SMAD3: variants seen among roughly 807,000 people sequenced by gnomAD.
SMAD3 encodes the protein MAD homolog 3.
In SMAD3, 12 loss-of-function variants were observed where a neutral mutation model predicts 51.8. The observed-to-expected ratio is 0.23, with a 90% CI of 0.15 to 0.38. The LOEUF is 0.38. Among genes scored for constraint, SMAD3 ranks in the 10% least tolerant of loss-of-function variants. The pLI is 1.00. For missense variants in SMAD3, 294 were observed against 565.6 expected (o/e 0.52, Z 4.87); for synonymous variants, 238 against 227.7 (o/e 1.05, Z -0.41).
intron 1 of SMAD3, among the ~76,000 whole-genome samples, chr15:67,141,943 A>G (rs920191431): frequency 5.9e-5 from 9 of 152,040 alleles, no homozygotes; most frequent in Non-Finnish European, 1.2e-4. Flanking sequence ...TAATGCTGTG[A>G]GGTGTCATTC....
intron 1 of SMAD3, among the ~76,000 whole-genome samples, chr15:67,089,220 A>G (rs4776886): frequency 0.55 from 84,243 of 151,998 alleles, 23,565 homozygotes; most frequent in South Asian, 0.71. Context: ...AATCCCAGAT[A>G]TACCTCCTCC....
At chr15:67,143,030 C>T (rs1961875068) in intron 1 of SMAD3, 1 of 229,224 alleles carries the variant, frequency 4.4e-6, no homozygotes, top group African/African-American at 2.3e-5. Context: ...CGTGCACCAG[C>T]CCTGTGATTC....
At chr15:67,181,189 A>C in intron 5 of SMAD3, 52 bp from the exon 6 acceptor site, 3 of 1,383,230 alleles carry the variant, frequency 2.2e-6, no homozygotes, top group East Asian at 4.6e-5. Context: ...CCATCGAGGG[A>C]GCATGGGGCT....
At chr15:67,189,908 C>T (rs749540528) in intron 8 of SMAD3, among the ~76,000 whole-genome samples, 9 of 151,946 alleles carry the variant, frequency 5.9e-5, no homozygotes, top group Admixed American at 1.3e-4. Flanking sequence ...CATTGGGAAC[C>T]GAAGGCATGC....
chr15:67,074,703 T>G (rs1204178671), intron 1 of SMAD3, among the ~76,000 whole-genome samples: 3 of 152,234 alleles, frequency 2.0e-5, no homozygotes, highest in Non-Finnish European at 4.4e-5. Flanking sequence ...CTTTTTTTGT[T>G]TTTTGAGACG....
At chr15:67,142,101 G>C (rs1384057527) in intron 1 of SMAD3, among the ~76,000 whole-genome samples, 1 of 152,128 alleles carries the variant, frequency 6.6e-6, no homozygotes, top group Non-Finnish European at 1.5e-5. Flanking sequence ...GCCTGGACCA[G>C]CTCATCTGTC....
chr15:67,066,228 G>C lies in SMAD3; in HGVS notation c.74G>C (p.Gly25Ala). 6.2e-7 allele frequency: 1 copy of C among 1,613,550 alleles called. No homozygotes were observed. Among genetic ancestry groups the C allele is most frequent in the Non-Finnish European group, 8.5e-7 (1 of 1,179,804 alleles). ...LLGWKKGEQN[G>A]QEEKWCEKAV... The stretch of plus-strand genomic sequence containing the variant: ...GGCTGGAAGAAGGGCGAGCAGAACG[G>C]GCAGGAGGAGAAATGGTGCGAGAAG... The change falls in exon 1 of 9, where the codon GGG becomes GCG. Residue 25 changes from glycine (G) to alanine (A), a missense_variant. Physicochemically the swap from Gly to Ala is moderately conservative, Grantham distance 60. Coordinates refer to ENST00000327367, the MANE Select transcript of SMAD3 (RefSeq NM_005902.4).
intron 1 of SMAD3, among the ~76,000 whole-genome samples, chr15:67,118,916 G>T (rs1370041973): frequency 6.6e-6 from 1 of 152,210 alleles, no homozygotes; most frequent in Non-Finnish European, 1.5e-5. Context: ...TCATGCACAA[G>T]CAGGTGCTTG....
At chr15:67,129,900 G>C (rs1961481119) in intron 1 of SMAD3, among the ~76,000 whole-genome samples, 1 of 152,160 alleles carries the variant, frequency 6.6e-6, no homozygotes, top group African/African-American at 2.4e-5. Context: ...CTGCCATGTG[G>C]CTGGTGGCCA....
intron 1 of SMAD3, among the ~76,000 whole-genome samples, chr15:67,149,804 T>C (rs1190687624): frequency 6.6e-6 from 1 of 152,214 alleles, no homozygotes; most frequent in African/African-American, 2.4e-5. Context: ...TATATAAGCT[T>C]GTAAAGCTTT....
chr15:67,117,138 G>A (rs962687630), intron 1 of SMAD3, among the ~76,000 whole-genome samples: 12 of 152,104 alleles, frequency 7.9e-5, no homozygotes, highest in African/African-American at 2.4e-4. Context: ...CTGGGGTCAC[G>A]GCTGGCGTGT....
At chr15:67,090,817 C>T (rs74023112) in intron 1 of SMAD3, among the ~76,000 whole-genome samples, 2,940 of 152,276 alleles carry the variant, frequency 0.019, 82 homozygotes, top group African/African-American at 0.067. Context: ...CCCGTGACAG[C>T]AGTAAGCCTC....
chr15:67,183,151 T>G (rs1376338863), intron 6 of SMAD3, among the ~76,000 whole-genome samples: 1 of 149,708 alleles, frequency 6.7e-6, no homozygotes, highest in Non-Finnish European at 1.5e-5. Context: ...CAAGTGATTC[T>G]CCTGCTTCAG....
chr15:67,171,320 C>A (rs1293954521), intron 5 of SMAD3, among the ~76,000 whole-genome samples: 1 of 152,140 alleles, frequency 6.6e-6, no homozygotes, highest in East Asian at 1.9e-4. Flanking sequence ...CCGCAACATC[C>A]CTCCATGGTT....
At chr15:67,176,195 G>A (rs190627249) in intron 5 of SMAD3, among the ~76,000 whole-genome samples, 59 of 152,290 alleles carry the variant, frequency 3.9e-4, no homozygotes, top group African/African-American at 1.3e-3. Context: ...GGAGACTCAG[G>A]TACACAGTTT....
intron 1 of SMAD3, among the ~76,000 whole-genome samples, chr15:67,080,918 T>C (rs1198838865): frequency 6.6e-6 from 1 of 152,180 alleles, no homozygotes; most frequent in Non-Finnish European, 1.5e-5. Context: ...AGATAATTTA[T>C]TGGAAGTCTG....
At position 67,110,234 on chromosome 15, in the gene SMAD3, C is replaced by T. The variant is rs77748788; in HGVS notation, c.206+43874C>T. On this transcript the variant is annotated intron_variant, in intron 1 of 8. Transcript: ENST00000327367. The stretch of plus-strand genomic sequence containing the variant: ...TCTGTGCTGCTTGGGGGATACGACT[C>T]AAACTCACAGACATCTGTGGCTCAA... Among the ~76,000 whole-genome samples the T allele has an allele frequency of 4.8e-3, 738 of 152,264 alleles. 7 individuals are homozygous for T. The highest frequency in any genetic ancestry group is 0.017 in the African/African-American group (718 of 41,544).
At chr15:67,167,931 C>T (rs1434272011) in intron 4 of SMAD3, among the ~76,000 whole-genome samples, 1 of 152,222 alleles carries the variant, frequency 6.6e-6, no homozygotes, top group African/African-American at 2.4e-5. Context: ...CCCTCGCACA[C>T]AGCCCAGAAG....
At chr15:67,094,377 C>G (rs1162069974) in intron 1 of SMAD3, among the ~76,000 whole-genome samples, 1 of 152,242 alleles carries the variant, frequency 6.6e-6, no homozygotes, top group Non-Finnish European at 1.5e-5. Flanking sequence ...CACCCCGTGG[C>G]TCCTCCTGAG....
Sources: gnomAD v4.1 joint callset for allele counts (sites outside exome capture counted in the v4.1 genomes callset) on GRCh38, gnomAD v4.1.1 for gene constraint, MANE v1.5 for transcripts, NCBI Gene and HGNC (gene_info 2026-07-23, HGNC 2026-07-21) for gene names.